The following DSCAML1 variants were observed in gnomAD, a reference collection of about 807,000 sequenced individuals.
DSCAML1 encodes the protein DS cell adhesion molecule like 1.
DSCAML1 carries 38 observed loss-of-function variants against 200.5 expected under a neutral mutation model. The observed-to-expected ratio is 0.19, with a 90% CI of 0.15 to 0.25. DSCAML1 has a LOEUF of 0.25. Among genes scored for constraint, DSCAML1 ranks in the 10% least tolerant of loss-of-function variants. DSCAML1 has a pLI of 1.00. For missense variants in DSCAML1, 2,223 were observed against 2,858.8 expected (o/e 0.78, Z 5.07); for synonymous variants, 1,215 against 1,165.0 (o/e 1.04, Z -0.87).
chr11:117,429,426 C>G (rs145790822), intron 32 of DSCAML1, among the ~76,000 whole-genome samples: 2,677 of 152,188 alleles, frequency 0.018, 34 homozygotes, highest in South Asian at 0.035. Flanking sequence ...TTTTTTGAGA[C>G]GGAGTCTCGC....
At chr11:117,434,796 C>T (rs900086261) in intron 27 of DSCAML1, among the ~76,000 whole-genome samples, 10 of 151,878 alleles carry the variant, frequency 6.6e-5, no homozygotes, top group Non-Finnish European at 1.5e-4. Context: ...ACCCAATCAT[C>T]CATCCATCCA....
At chr11:117,685,869 G>C (rs1466043759) in intron 3 of DSCAML1, among the ~76,000 whole-genome samples, 1 of 152,144 alleles carries the variant, frequency 6.6e-6, no homozygotes, top group Non-Finnish European at 1.5e-5. Flanking sequence ...ACTGTCTAGG[G>C]GGCCATGAGA....
intron 18 of DSCAML1, among the ~76,000 whole-genome samples, chr11:117,460,866 G>C (rs2048467447): frequency 6.6e-6 from 1 of 152,126 alleles, no homozygotes; most frequent in Non-Finnish European, 1.5e-5. Context: ...TTGGCCAAGG[G>C]AGGCTCTCCC....
chr11:117,777,951 C>G (rs2055161481), intron 2 of DSCAML1, among the ~76,000 whole-genome samples: 1 of 152,148 alleles, frequency 6.6e-6, no homozygotes, highest in African/African-American at 2.4e-5. Flanking sequence ...GCCTCCCGAC[C>G]TTGTCCCTCA....
chr11:117,711,572 G>C (rs543599773), intron 3 of DSCAML1, among the ~76,000 whole-genome samples: 1 of 152,292 alleles, frequency 6.6e-6, no homozygotes, highest in African/African-American at 2.4e-5. Flanking sequence ...TGTGAGGGAC[G>C]CGTCTCCAAT....
chr11:117,452,008 G>A (rs568565424), intron 19 of DSCAML1, among the ~76,000 whole-genome samples: 2 of 152,204 alleles, frequency 1.3e-5, no homozygotes, highest in South Asian at 2.1e-4. Context: ...CCTTCTGGGG[G>A]CCTGAGTCCA....
Position 117,575,201 on chromosome 11 carries a change from AAACAG to A in DSCAML1, c.512-42684_512-42680del, listed in dbSNP as rs544953521. Reference sequence around the variant, plus strand: ...AGTGAAACTCCATTTCAAAAATAAAAAACAGAACAGAAGTCCTGTGTCCTGAGAAC... The same window carrying A: ...AGTGAAACTCCATTTCAAAAATAAAAAACAGAAGTCCTGTGTCCTGAGAAC... On this transcript the variant is annotated intron_variant, in intron 3 of 32. Transcript: ENST00000651296. Among the ~76,000 whole-genome samples the A allele has an allele frequency of 2.3e-3, 346 of 152,276 alleles. 1 individual carries two copies. Among genetic ancestry groups the A allele is most frequent in the African/African-American group, 7.6e-3 (314 of 41,556 alleles).
intron 19 of DSCAML1, among the ~76,000 whole-genome samples, chr11:117,454,351 A>G (rs1398798349): frequency 6.6e-6 from 1 of 152,026 alleles, no homozygotes. Flanking sequence ...TTTTCCATCT[A>G]TTTGTCTTTC....
upstream of DSCAML1, among the ~76,000 whole-genome samples, chr11:117,799,801 C>T (rs983647742): frequency 6.6e-6 from 1 of 152,170 alleles, no homozygotes; most frequent in Non-Finnish European, 1.5e-5. Context: ...AAAGTCGTAG[C>T]GAGGATTAAA....
chr11:117,589,312 C>A (rs1263479770), intron 3 of DSCAML1, among the ~76,000 whole-genome samples: 2 of 152,336 alleles, frequency 1.3e-5, no homozygotes, highest in African/African-American at 4.8e-5. Context: ...GTCCTCCTGT[C>A]ACGCAGCTAT....
At chr11:117,606,404 G>A (rs554334403) in intron 3 of DSCAML1, among the ~76,000 whole-genome samples, 10 of 152,278 alleles carry the variant, frequency 6.6e-5, no homozygotes, top group South Asian at 6.2e-4. Context: ...TTCCTGCTCC[G>A]CTTGTGAATA....
chr11:117,654,359 T>C (rs1273554597), intron 3 of DSCAML1, among the ~76,000 whole-genome samples: 2 of 152,208 alleles, frequency 1.3e-5, no homozygotes, highest in African/African-American at 2.4e-5. Flanking sequence ...AAGAATTCTA[T>C]CTCAATTAAA....
intron 4 of DSCAML1, among the ~76,000 whole-genome samples, chr11:117,528,170 C>T (rs1252505322): frequency 2.6e-5 from 4 of 152,180 alleles, no homozygotes; most frequent in Non-Finnish European, 4.4e-5. Flanking sequence ...CTTCTCCCAC[C>T]CCCAACCCGG....
Position 117,480,692 on chromosome 11 carries a change from G to T in DSCAML1, c.2657-121C>A. The stretch of plus-strand genomic sequence containing the variant: ...CAAGGACTCTGGCACCCTAGGGTTT[G>T]AGCAGGGTGGGGGCTGGAGGAGGCC... On this transcript the variant is annotated intron_variant, in intron 13 of 32. Coordinates refer to ENST00000651296, the MANE Select transcript of DSCAML1 (RefSeq NM_020693.4). The surrounding 1 kb of genome is among the most constrained non-coding windows in gnomAD (Gnocchi z 4.1). 8.6e-7 allele frequency: 1 copy of T among 1,156,472 alleles called. No homozygotes were observed. Among genetic ancestry groups the T allele is most frequent in the Non-Finnish European group, 1.2e-6 (1 of 818,612 alleles). The allele number at this position is 1,156,472 out of a possible 1,614,324, so 71.6% of individuals were successfully genotyped here.
In DSCAML1 at chr11:117,505,478, G is replaced by C; in HGVS notation, c.2038C>G (p.Arg680Gly). 6.2e-7 allele frequency: 1 copy of C among 1,611,908 alleles called. No homozygotes were observed. The highest frequency in any genetic ancestry group is 8.5e-7 in the Non-Finnish European group (1 of 1,179,958). Residue 680 changes from arginine (R) to glycine (G), a missense_variant, in exon 9 of 33, where the codon CGG becomes GGG. Coordinates refer to ENST00000651296, the MANE Select transcript of DSCAML1 (RefSeq NM_020693.4). This position sits in a 1 kb window ranked among gnomAD's most constrained non-coding sequence, Gnocchi z 6.7. ...CCACGCACGATGAGCTGGCGCTCCC[G>C]GCTCACGGTGGCGGCTGCGTTGCTG... Reference protein sequence around the residue: ...IASNAAATVSRERQLIVRVPP... With the variant: ...IASNAAATVSGERQLIVRVPP...
chr11:117,742,084 C>T (rs768097769), intron 3 of DSCAML1, among the ~76,000 whole-genome samples: 3 of 152,180 alleles, frequency 2.0e-5, no homozygotes, highest in Non-Finnish European at 4.4e-5. Flanking sequence ...TGGCCCATTG[C>T]TAGATGACAG....
At chr11:117,561,751 C>T (rs2050667488) in intron 3 of DSCAML1, among the ~76,000 whole-genome samples, 1 of 152,212 alleles carries the variant, frequency 6.6e-6, no homozygotes, top group Non-Finnish European at 1.5e-5. Context: ...GGCAGGATGC[C>T]CCTCGTACTA....
chr11:117,653,127 G>A (rs963755742), intron 3 of DSCAML1, among the ~76,000 whole-genome samples: 9 of 152,184 alleles, frequency 5.9e-5, no homozygotes, highest in African/African-American at 2.2e-4. Flanking sequence ...TGGCTTTGCC[G>A]AGTAGTTTTG....
chr11:117,514,790 C>T (rs949329711), intron 8 of DSCAML1, among the ~76,000 whole-genome samples: 3 of 152,268 alleles, frequency 2.0e-5, no homozygotes, highest in Admixed American at 1.3e-4. Context: ...CCACATTGGT[C>T]AGGCTGGTCT....
Sources: allele counts gnomAD v4.1 joint callset (sites outside exome capture counted in the v4.1 genomes callset), GRCh38; gene constraint gnomAD v4.1.1; non-coding constraint Gnocchi (gnomAD v3.1); transcripts MANE v1.5; gene names NCBI Gene and HGNC (gene_info 2026-07-23, HGNC 2026-07-21).